Variants in NWD2 observed in about 807,000 individuals in gnomAD.
The protein encoded by NWD2 is NACHT and WD repeat domain-containing protein 2.
In NWD2, 37 loss-of-function variants were observed where a neutral mutation model predicts 132.7. That is an observed-to-expected ratio of 0.28 (90% CI 0.21 to 0.37). The LOEUF is 0.37. NWD2 is among the 10% of genes least tolerant of loss of function. NWD2 has a pLI of 1.00. For synonymous variants in NWD2, 705 were observed against 803.0 expected (o/e 0.88, Z 2.06); for missense variants, 1,592 against 2,122.4 (o/e 0.75, Z 4.91).
chr4:37,369,823 A>C (rs1720179729), intron 3 of NWD2, among the ~76,000 whole-genome samples: 1 of 152,210 alleles, frequency 6.6e-6, no homozygotes, highest in Non-Finnish European at 1.5e-5. Flanking sequence ...GCTTGGAAAT[A>C]TGCACAGAAT....
chr4:37,434,302 G>C (rs1313678580), intron 5 of NWD2, among the ~76,000 whole-genome samples: 1 of 152,180 alleles, frequency 6.6e-6, no homozygotes. Context: ...CAGTTGAGCT[G>C]TTCATTCATC....
At chr4:37,349,338 G>A (rs183511107) in intron 2 of NWD2, among the ~76,000 whole-genome samples, 20 of 152,186 alleles carry the variant, frequency 1.3e-4, no homozygotes, top group African/African-American at 3.9e-4. Flanking sequence ...ATCCTCTCCA[G>A]CATCTTTTGT....
chr4:37,370,672 G>T (rs1720198644), intron 3 of NWD2, among the ~76,000 whole-genome samples: 1 of 152,202 alleles, frequency 6.6e-6, no homozygotes, highest in Non-Finnish European at 1.5e-5. Context: ...TCTCAGTGAA[G>T]TACTGGACTC....
At chr4:37,329,780 G>A (rs1172839604) in intron 2 of NWD2, among the ~76,000 whole-genome samples, 4 of 151,932 alleles carry the variant, frequency 2.6e-5, no homozygotes, top group African/African-American at 9.7e-5. Context: ...CCATTAAGAG[G>A]TTTGCTCAGG....
chr4:37,253,738 T>A (rs1486798037), intron 1 of NWD2, among the ~76,000 whole-genome samples: 1 of 152,082 alleles, frequency 6.6e-6, no homozygotes, highest in Non-Finnish European at 1.5e-5. Flanking sequence ...GTCACATATT[T>A]CTCTATAAAT....
intron 3 of NWD2, among the ~76,000 whole-genome samples, chr4:37,364,284 A>C (rs1286543430): frequency 2.6e-5 from 4 of 152,198 alleles, no homozygotes; most frequent in African/African-American, 4.8e-5. Flanking sequence ...ATCTCACTAC[A>C]GTTCCTCAAT....
chr4:37,405,414 T>C (rs76818631), intron 3 of NWD2, among the ~76,000 whole-genome samples: 2,218 of 149,230 alleles, frequency 0.015, 57 homozygotes, highest in African/African-American at 0.052. Context: ...AATTTTTTAG[T>C]TGAATGTAAT....
At chr4:37,298,166 G>A (rs1419658152) in intron 1 of NWD2, among the ~76,000 whole-genome samples, 1 of 152,080 alleles carries the variant, frequency 6.6e-6, no homozygotes, top group Non-Finnish European at 1.5e-5. Flanking sequence ...TTCATGATTG[G>A]TTATATTAAT....
rs187138118 is a variant in NWD2 at position 37,369,605 on chromosome 4, T to C, written c.357+13123T>C. ...TGAATCATAAAATCAGTGTGGACCA[T>C]CAAAATTCGATGAACATTCCCTGTA... On this transcript the variant is annotated intron_variant, in intron 3 of 6. Transcript: ENST00000309447. 5.3e-5 allele frequency among the ~76,000 whole-genome samples: 8 copies of C among 152,184 alleles called. No homozygotes were observed. The South Asian group carries it at 6.2e-4, about 12-fold the overall frequency.
At chr4:37,371,660 C>CT (rs2109305663) in intron 3 of NWD2, among the ~76,000 whole-genome samples, 1 of 152,266 alleles carries the variant, frequency 6.6e-6, no homozygotes, top group African/African-American at 2.4e-5. Flanking sequence ...TTTTATTTAC[C>CT]TGAGGGAACC....
At chr4:37,417,390 T>A (rs574042171) in intron 3 of NWD2, among the ~76,000 whole-genome samples, 1 of 152,158 alleles carries the variant, frequency 6.6e-6, no homozygotes, top group South Asian at 2.1e-4. Context: ...ATGTCTCATA[T>A]AATGTATGTA....
Position 37,434,010 on chromosome 4 carries a change from C to T in NWD2, c.696C>T (p.Tyr232=), listed in dbSNP as rs1390433423. The change falls in exon 5 of 7, where the codon TAC becomes TAT. Residue 232 remains tyrosine (Y), a synonymous_variant. Transcript: ENST00000309447. ...TGAAACACAGCCAGGCTAAGAGGTA[C>T]CTGTTCTCAGGTAATTTTCCCATAC... is the stretch of plus-strand genomic sequence containing the variant. The part of the protein sequence containing the change: ...GKMKHSQAKR[Y]LFSAIEDEFD... 3 of 1,545,022 alleles carry T rather than the reference C, an allele frequency of 1.9e-6. No individual in the cohort carries two copies. Among genetic ancestry groups the T allele is most frequent in the Non-Finnish European group, 2.6e-6 (3 of 1,143,868 alleles).
chr4:37,358,823 T>C (rs1479299368), intron 3 of NWD2, among the ~76,000 whole-genome samples: 1 of 152,130 alleles, frequency 6.6e-6, no homozygotes. Context: ...ATCACCTGGC[T>C]CAAACTGTAA....
intron 3 of NWD2, among the ~76,000 whole-genome samples, chr4:37,421,130 T>G (rs1305717079): frequency 6.6e-6 from 1 of 152,182 alleles, no homozygotes; most frequent in Non-Finnish European, 1.5e-5. Context: ...ACTTTTAATA[T>G]GTCCAAAACT....
chr4:37,444,388 C>T lies in NWD2; in HGVS notation c.2400C>T (p.Phe800=). Residue 800 remains phenylalanine, a synonymous_variant, in exon 7 of 7, where the codon TTC becomes TTT. Transcript: ENST00000309447. The surrounding 1 kb of genome is among the most constrained non-coding windows in gnomAD (Gnocchi z 4.8). ...NRSLLEEEKH[F]MEQASFDRQA... ...GTTTGCTGGAGGAAGAAAAGCACTT[C>T]ATGGAACAGGCTTCCTTTGACAGGC... 6.4e-7 allele frequency: 1 copy of T among 1,552,196 alleles called. No homozygotes were observed. Among genetic ancestry groups the T allele is most frequent in the Non-Finnish European group, 8.7e-7 (1 of 1,147,118 alleles).
At chr4:37,270,294 T>C (rs1019895301) in intron 1 of NWD2, among the ~76,000 whole-genome samples, 4 of 151,958 alleles carry the variant, frequency 2.6e-5, no homozygotes, top group South Asian at 4.1e-4. Flanking sequence ...CACAGAGGTA[T>C]TTAAAAATTA....
intron 1 of NWD2, among the ~76,000 whole-genome samples, chr4:37,288,129 G>A (rs1167415543): frequency 6.6e-6 from 1 of 152,136 alleles, no homozygotes; most frequent in Non-Finnish European, 1.5e-5. Flanking sequence ...ATGGACACAG[G>A]GAGGGAAACA....
intron 1 of NWD2, among the ~76,000 whole-genome samples, chr4:37,266,548 C>T (rs964916072): frequency 2.6e-5 from 4 of 152,044 alleles, no homozygotes; most frequent in African/African-American, 9.7e-5. Context: ...TGGCTGAGGT[C>T]ACATGTCCAA....
chr4:37,286,776 A>C (rs1433169586), intron 1 of NWD2, among the ~76,000 whole-genome samples: 1 of 152,138 alleles, frequency 6.6e-6, no homozygotes, highest in African/African-American at 2.4e-5. Context: ...GTTCCTAAGG[A>C]GGGTCTTAAT....
Sources: allele counts gnomAD v4.1 joint callset (sites outside exome capture counted in the v4.1 genomes callset), GRCh38; gene constraint gnomAD v4.1.1; non-coding constraint Gnocchi (gnomAD v3.1); transcripts MANE v1.5; gene names NCBI Gene and HGNC (gene_info 2026-07-23, HGNC 2026-07-21).